The following PCDHGA2 variants were observed in gnomAD, a reference collection of about 807,000 sequenced individuals.
PCDHGA2 encodes protocadherin gamma-A2.
PCDHGA2 carries 40 observed loss-of-function variants against 59.2 expected under a neutral mutation model. The observed-to-expected ratio is 0.68, with a 90% CI of 0.52 to 0.88. The LOEUF is 0.88. Among genes scored for constraint, PCDHGA2 ranks in the 40% least tolerant of loss-of-function variants. The pLI, the probability that PCDHGA2 is intolerant of heterozygous loss-of-function variation, is 0.00. For synonymous variants in PCDHGA2, 560 were observed against 526.0 expected, an observed-to-expected ratio of 1.06 and a Z score of -0.89; for missense variants, 1,226 against 1,204.0, an observed-to-expected ratio of 1.02 and a Z score of -0.27.
intron 1 of PCDHGA2, among the ~76,000 whole-genome samples, chr5:141,439,557 A>C (rs766239185): frequency 1.2e-4 from 19 of 152,178 alleles, no homozygotes; most frequent in Non-Finnish European, 2.2e-4. Context: ...TTCAGGCTGC[A>C]GTTCTAGAGT....
At position 141,366,470 on chromosome 5, in the gene PCDHGA2, C is replaced by T. The variant is rs374198651; in HGVS notation, c.2424+25075C>T. 3.1e-6 allele frequency: 5 copies of T among 1,614,136 alleles called. No individual in the cohort carries two copies. In the African/African-American group the frequency reaches 6.7e-5, roughly 22 times the overall value. On this transcript the variant is annotated intron_variant, in intron 1 of 3. Transcript: ENST00000394576. ...GGCCTTCGTCATCGTGCTGCTGGTG[C>T]TCAGACTGAGGCGCTGGCACAAGTC...
chr5:141,420,795 A>G (rs1046945975), intron 1 of PCDHGA2, among the ~76,000 whole-genome samples: 1 of 152,260 alleles, frequency 6.6e-6, no homozygotes, highest in Non-Finnish European at 1.5e-5. Flanking sequence ...AAAACTTTTT[A>G]AAAATTAAGC....
At position 141,448,827 on chromosome 5, in the gene PCDHGA2, C is replaced by T. The variant is rs540550537; in HGVS notation, c.2425-45980C>T. ...AGGCGTGATGGCGGGCGCCTGTAGT[C>T]CCAGCTACTCTGGAGGCTGAGGCAG... On this transcript the variant is annotated intron_variant, in intron 1 of 3. Transcript: ENST00000394576. Among the ~76,000 whole-genome samples the T allele has an allele frequency of 1.6e-4, 25 of 152,108 alleles. No homozygotes were observed. In the South Asian group the frequency reaches 4.2e-3, roughly 25 times the overall value.
chr5:141,442,348 CTG>C (rs1318031659), intron 1 of PCDHGA2: 1 of 152,378 alleles, frequency 6.6e-6, no homozygotes, highest in Non-Finnish European at 1.5e-5. Context: ...TTCTGGGTAA[CTG>C]TAGCTCTATG....
rs995968509 is a variant in PCDHGA2, at chr5:141,477,065, C to T, written c.2425-17742C>T. ...TCGGCTGGACTTCGAGGACACCAAA[C>T]TCCATGAGATTTACATCCAGGCCAA... On this transcript the variant is annotated intron_variant, in intron 1 of 3. Coordinates refer to ENST00000394576, the MANE Select transcript of PCDHGA2 (RefSeq NM_018915.4). The surrounding 1 kb of genome is among the most constrained non-coding windows in gnomAD (Gnocchi z 4.9). 15 of 1,614,144 alleles carry T rather than the reference C, an allele frequency of 9.3e-6. No homozygotes were observed. The highest frequency in any genetic ancestry group is 3.3e-5 in the Admixed American group (2 of 60,018).
chr5:141,487,029 T>C lies in PCDHGA2; in HGVS notation c.2425-7778T>C. 1.2e-6 allele frequency: 2 copies of C among 1,614,226 alleles called. No individual in the cohort carries two copies. Among genetic ancestry groups the C allele is most frequent in the Non-Finnish European group, 1.7e-6 (2 of 1,180,040 alleles). ...CTGGAGGCCCCAGATCCCAGCCTGT[T>C]TGCAGTCTCTCGATATGCTGGGGAG... is the stretch of plus-strand genomic sequence containing the variant. On this transcript the variant is annotated intron_variant, in intron 1 of 3. Coordinates refer to ENST00000394576, the MANE Select transcript of PCDHGA2 (RefSeq NM_018915.4). The surrounding 1 kb of genome is among the most constrained non-coding windows in gnomAD (Gnocchi z 5.0).
At chr5:141,362,477 T>G in intron 1 of PCDHGA2, 1 of 1,614,056 alleles carries the variant, frequency 6.2e-7, no homozygotes, top group Non-Finnish European at 8.5e-7. Flanking sequence ...CAAGATCTCG[T>G]CTGTGACAAT....
chr5:141,383,272 G>T (rs369691483), intron 1 of PCDHGA2: 13 of 1,613,802 alleles, frequency 8.1e-6, no homozygotes, highest in African/African-American at 1.3e-5. Flanking sequence ...GGAAATAATA[G>T]ATATTAATGA....
Position 141,399,778 on chromosome 5 carries a change from C to G in PCDHGA2, c.2424+58383C>G, listed in dbSNP as rs187080333. ...GAGCCTGCGCGTGTTGGTGGGCGACCGAAACGACAACGCACCGCGGGTGCT... is the reference window on the plus strand; with the variant it reads ...GAGCCTGCGCGTGTTGGTGGGCGACGGAAACGACAACGCACCGCGGGTGCT... On this transcript the variant is annotated intron_variant, in intron 1 of 3. Coordinates refer to ENST00000394576, the MANE Select transcript of PCDHGA2 (RefSeq NM_018915.4). The G allele has an allele frequency of 3.4e-4, 542 of 1,613,250 alleles. 2 individuals are homozygous for G. The African/African-American group carries it at 5.6e-3, about 17-fold the overall frequency.
chr5:141,447,885 A>T (rs2098554278), intron 1 of PCDHGA2, among the ~76,000 whole-genome samples: 1 of 152,134 alleles, frequency 6.6e-6, no homozygotes, highest in Admixed American at 6.6e-5. Context: ...CAGGAGTTCG[A>T]GACCAGCCTG....
At chr5:141,351,824 C>T (rs1213782455) in intron 1 of PCDHGA2, 12 of 1,613,200 alleles carry the variant, frequency 7.4e-6, no homozygotes, top group Non-Finnish European at 1.0e-5. Context: ...CGAGCAGCTG[C>T]GCGCCTTCGA....
chr5:141,340,711 C>G lies in PCDHGA2; in HGVS notation c.1740C>G (p.Arg580=). ...CCACTGGCGTGGAGCTGGCGCCCCGCTCCGCAGAGCCCGGCTACCTGGTGA... is the reference window on the plus strand; with the variant it reads ...CCACTGGCGTGGAGCTGGCGCCCCGGTCCGCAGAGCCCGGCTACCTGGTGA... ...DGSTGVELAP[R]SAEPGYLVTK... is the part of the protein sequence containing the mutation. The change falls in exon 1 of 4, where the codon CGC becomes CGG. Residue 580 remains arginine (R), a synonymous_variant. Coordinates refer to ENST00000394576, the MANE Select transcript of PCDHGA2 (RefSeq NM_018915.4). 3.7e-6 allele frequency: 6 copies of G among 1,614,130 alleles called. No homozygotes were observed. The highest frequency in any genetic ancestry group is 3.4e-6 in the Non-Finnish European group (4 of 1,180,042).
chr5:141,346,238 G>A, intron 1 of PCDHGA2: 4 of 1,614,204 alleles, frequency 2.5e-6, no homozygotes, highest in Non-Finnish European at 3.4e-6. Flanking sequence ...TGGCGAGTAC[G>A]CCCGGCTCGC....
intron 1 of PCDHGA2, chr5:141,360,708 T>A: frequency 6.2e-7 from 1 of 1,613,948 alleles, no homozygotes; most frequent in Non-Finnish European, 8.5e-7. Context: ...GTCGTAAATA[T>A]CCTGAGTTGA....
chr5:141,475,049 A>G (rs553607902), intron 1 of PCDHGA2, among the ~76,000 whole-genome samples: 81 of 152,346 alleles, frequency 5.3e-4, no homozygotes, highest in African/African-American at 1.8e-3. Context: ...TGTATTTTCT[A>G]AAGATTTGTG....
intron 1 of PCDHGA2, chr5:141,372,520 T>G (rs371229591): frequency 3.7e-6 from 6 of 1,613,950 alleles, no homozygotes; most frequent in Non-Finnish European, 5.1e-6. Flanking sequence ...GCGGTGATTC[T>G]GGCAATCTCC....
chr5:141,446,256 T>C lies in PCDHGA2; in HGVS notation c.2425-48551T>C, dbSNP rs535879308. On this transcript the variant is annotated intron_variant, in intron 1 of 3. Transcript: ENST00000394576. Reference sequence around the variant, plus strand: ...CAAGTGGTAGATCTTCAGTGAAATATTATTAACTGAATAAATACAATGGAT... The same window carrying C: ...CAAGTGGTAGATCTTCAGTGAAATACTATTAACTGAATAAATACAATGGAT... Among the ~76,000 whole-genome samples the C allele has an allele frequency of 2.0e-5, 3 of 152,310 alleles. No homozygotes were observed. The East Asian group carries it at 5.8e-4, about 29-fold the overall frequency.
chr5:141,503,713 C>T (rs867005984), intron 2 of PCDHGA2, among the ~76,000 whole-genome samples: 6 of 152,134 alleles, frequency 3.9e-5, no homozygotes, highest in Non-Finnish European at 8.8e-5. Context: ...TCCCCTTCAA[C>T]CCTAGCTTTA....
Position 141,431,297 on chromosome 5 carries a change from C to G in PCDHGA2, c.2425-63510C>G. Reference sequence around the variant, plus strand: ...GCTCAGCCCGAACACTCACTTCTCCCTCATCGTGCAAAATGGAGCCGACGG... The same window carrying G: ...GCTCAGCCCGAACACTCACTTCTCCGTCATCGTGCAAAATGGAGCCGACGG... On this transcript the variant is annotated intron_variant, in intron 1 of 3. Transcript: ENST00000394576. The surrounding 1 kb of genome is among the most constrained non-coding windows in gnomAD (Gnocchi z 4.8). The G allele has an allele frequency of 6.2e-7, 1 of 1,614,126 alleles. No individual in the cohort carries two copies. The highest frequency in any genetic ancestry group is 8.5e-7 in the Non-Finnish European group (1 of 1,180,036).
Sources: allele counts gnomAD v4.1 joint callset (sites outside exome capture counted in the v4.1 genomes callset), GRCh38; gene constraint gnomAD v4.1.1; non-coding constraint Gnocchi (gnomAD v3.1); transcripts MANE v1.5; gene names NCBI Gene and HGNC (gene_info 2026-07-23, HGNC 2026-07-21).